Variants in ADK observed in about 807,000 individuals in gnomAD.
The protein encoded by ADK is N6,N6-dimethyladenosine kinase.
A neutral mutation model predicts 44.7 loss-of-function variants in ADK; 24 were observed. The ratio of observed to expected loss-of-function variants is 0.54; its 90% CI spans 0.39 to 0.76. The LOEUF (loss-of-function observed/expected upper bound fraction) is 0.76. Among genes scored for constraint, ADK ranks in the 30% least tolerant of loss-of-function variants. The pLI is 0.00. For missense variants in ADK, 321 were observed against 425.1 expected (o/e 0.76, Z 2.15); for synonymous variants, 128 against 142.6 (o/e 0.90, Z 0.73).
chr10:74,261,134 A>G (rs1846021694), intron 3 of ADK, among the ~76,000 whole-genome samples: 1 of 152,200 alleles, frequency 6.6e-6, no homozygotes, highest in Admixed American at 6.5e-5. Flanking sequence ...TATAGTGACT[A>G]TGTAAGTATT....
At chr10:74,167,669 C>T (rs983628950) in intron 1 of ADK, among the ~76,000 whole-genome samples, 4 of 152,162 alleles carry the variant, frequency 2.6e-5, no homozygotes, top group Admixed American at 1.3e-4. Context: ...CTCTCAAAGG[C>T]TAGCTTAGAA....
At chr10:74,588,555 A>C (rs1851607109) in intron 7 of ADK, among the ~76,000 whole-genome samples, 1 of 152,178 alleles carries the variant, frequency 6.6e-6, no homozygotes, top group South Asian at 2.1e-4. Context: ...AGTTTTGATT[A>C]ATTCATATTA....
At chr10:74,613,153 C>A (rs1266313443) in intron 9 of ADK, among the ~76,000 whole-genome samples, 1 of 152,016 alleles carries the variant, frequency 6.6e-6, no homozygotes, top group Non-Finnish European at 1.5e-5. Context: ...TCTGATACAA[C>A]CCTGTGAGGA....
At chr10:74,610,556 G>A (rs1041941570) in intron 9 of ADK, among the ~76,000 whole-genome samples, 3 of 152,072 alleles carry the variant, frequency 2.0e-5, no homozygotes, top group Admixed American at 2.0e-4. Context: ...TGCTTAAAAT[G>A]TTACATTTTA....
rs534764968 is a variant in ADK at position 74,581,698 on chromosome 10, A to AACG, written c.727-7583_727-7582insCGA. ...TTCTAAAAACAACAACAACAACAAC[A>AACG]AAAATGCATTACATACAGAGAAACA... On this transcript the variant is annotated intron_variant, in intron 7 of 10. Transcript: ENST00000539909. Among the ~76,000 whole-genome samples the AACG allele has an allele frequency of 1.7e-4, 26 of 152,318 alleles. No individual in the cohort carries two copies. The South Asian group carries it at 5.2e-3, about 30-fold the overall frequency.
intron 4 of ADK, among the ~76,000 whole-genome samples, chr10:74,387,638 C>T (rs1417824779): frequency 1.3e-5 from 2 of 152,180 alleles, no homozygotes; most frequent in African/African-American, 4.8e-5. Flanking sequence ...TCCTGATCCC[C>T]TCCACTGCAG....
intron 6 of ADK, among the ~76,000 whole-genome samples, chr10:74,477,409 T>C (rs1327138659): frequency 1.3e-5 from 2 of 152,166 alleles, no homozygotes; most frequent in Non-Finnish European, 2.9e-5. Flanking sequence ...GGTTTTTCCA[T>C]GTTGCCCAGG....
chr10:74,675,168 C>T (rs997728703), intron 10 of ADK, among the ~76,000 whole-genome samples: 4 of 152,090 alleles, frequency 2.6e-5, no homozygotes, highest in African/African-American at 9.7e-5. Flanking sequence ...CTCTGAAGGA[C>T]AATAATTTTC....
intron 7 of ADK, among the ~76,000 whole-genome samples, chr10:74,570,017 T>C (rs1434102239): frequency 6.6e-6 from 1 of 152,092 alleles, no homozygotes; most frequent in Non-Finnish European, 1.5e-5. Flanking sequence ...CCAGCACCAT[T>C]TATTAAATAG....
intron 5 of ADK, among the ~76,000 whole-genome samples, chr10:74,395,048 C>T (rs928750361): frequency 6.6e-6 from 1 of 152,126 alleles, no homozygotes; most frequent in Non-Finnish European, 1.5e-5. Flanking sequence ...AGGCTTTTTT[C>T]CCCTTTGCAA....
At chr10:74,199,375 TG>T (rs994946546) in intron 1 of ADK, among the ~76,000 whole-genome samples, 1 of 152,220 alleles carries the variant, frequency 6.6e-6, no homozygotes, top group African/African-American at 2.4e-5. Flanking sequence ...CAGTGTCTTT[TG>T]TCCCGACATC....
intron 6 of ADK, chr10:74,505,981 C>T (rs528985076): frequency 1.3e-5 from 2 of 152,274 alleles, no homozygotes; most frequent in South Asian, 4.2e-4. Context: ...GAAGTTACTT[C>T]TCCTCTTATC....
intron 6 of ADK, among the ~76,000 whole-genome samples, chr10:74,424,700 A>G (rs1844728819): frequency 6.6e-6 from 1 of 152,062 alleles, no homozygotes; most frequent in Non-Finnish European, 1.5e-5. Context: ...AACCTCTTAT[A>G]TAGTTTCCCT....
At chr10:74,195,758 GCCTCAA>G (rs1269226477) in intron 1 of ADK, among the ~76,000 whole-genome samples, 1 of 118,556 alleles carries the variant, frequency 8.4e-6, no homozygotes, top group Non-Finnish European at 1.6e-5. Flanking sequence ...GCTCACTGTA[GCCTCAA>G]CCTCCTGGGC....
chr10:74,348,867 A>T lies in ADK; in HGVS notation c.273+34122A>T, dbSNP rs572246942. On this transcript the variant is annotated intron_variant, in intron 4 of 10. Transcript: ENST00000539909. ...GTGTGAAGACAAGATTAGAGAAAAAAAAAATAAAATGGAATGAACAAAACC... is the reference window on the plus strand; with the variant it reads ...GTGTGAAGACAAGATTAGAGAAAAATAAAATAAAATGGAATGAACAAAACC... Among the ~76,000 whole-genome samples the T allele has an allele frequency of 6.6e-5, 10 of 152,100 alleles. No individual in the cohort carries two copies. The South Asian group carries it at 1.2e-3, about 19-fold the overall frequency.
chr10:74,402,032 G>A (rs1223946144), intron 6 of ADK, among the ~76,000 whole-genome samples: 2 of 152,158 alleles, frequency 1.3e-5, no homozygotes, highest in Non-Finnish European at 2.9e-5. Context: ...TTTCTGGGTT[G>A]AAAATTCTAT....
intron 9 of ADK, among the ~76,000 whole-genome samples, chr10:74,627,560 GT>G (rs35242280): frequency 8.0e-4 from 117 of 145,840 alleles, no homozygotes; most frequent in African/African-American, 1.5e-3. Context: ...ATTTTGTTGA[GT>G]TTTTTTTTTT....
intron 6 of ADK, among the ~76,000 whole-genome samples, chr10:74,504,780 G>T (rs1464350842): frequency 6.6e-6 from 1 of 152,048 alleles, no homozygotes; most frequent in African/African-American, 2.4e-5. Context: ...GTGTTTGACA[G>T]TTCCTCTCTC....
chr10:74,275,753 T>A (rs1846647944), intron 3 of ADK, among the ~76,000 whole-genome samples: 1 of 152,046 alleles, frequency 6.6e-6, no homozygotes, highest in South Asian at 2.1e-4. Context: ...CCACCTCCCA[T>A]GTTCAAGAAA....
Sources: allele counts gnomAD v4.1 joint callset (sites outside exome capture counted in the v4.1 genomes callset), GRCh38; gene constraint gnomAD v4.1.1; transcripts MANE v1.5; gene names NCBI Gene and HGNC (gene_info 2026-07-23, HGNC 2026-07-21).